SNRNP40: variants seen among roughly 807,000 people sequenced by gnomAD.
SNRNP40 encodes U5 small nuclear ribonucleoprotein 40 kDa protein.
In SNRNP40, 21 loss-of-function variants were observed where a neutral mutation model predicts 45.8. The observed-to-expected ratio is 0.46, with a 90% CI of 0.32 to 0.66. The LOEUF (loss-of-function observed/expected upper bound fraction) is 0.66. Among genes scored for constraint, SNRNP40 ranks in the 30% least tolerant of loss-of-function variants. The pLI is 0.03. For synonymous variants in SNRNP40, 142 were observed against 163.8 expected (o/e 0.87, Z 1.01); for missense variants, 344 against 439.1 (o/e 0.78, Z 1.94).
intron 5 of SNRNP40, among the ~76,000 whole-genome samples, chr1:31,276,542 G>C (rs1645976037): frequency 6.6e-6 from 1 of 152,086 alleles, no homozygotes; most frequent in Non-Finnish European, 1.5e-5. Flanking sequence ...ATGCATCAAA[G>C]GTGGGGGTGG....
chr1:31,278,540 T>C (rs1197463099), intron 5 of SNRNP40, among the ~76,000 whole-genome samples: 1 of 152,240 alleles, frequency 6.6e-6, no homozygotes, highest in African/African-American at 2.4e-5. Context: ...AGAAGTCTTC[T>C]AGTGATTCTG....
intron 1 of SNRNP40, among the ~76,000 whole-genome samples, 168 bp from the exon 2 acceptor site, chr1:31,293,516 C>G (rs1557681308): frequency 6.6e-6 from 1 of 152,214 alleles, no homozygotes. Context: ...ACTTGACACT[C>G]TCTGAAACTT....
intron 4 of SNRNP40, 86 bp from the exon 5 acceptor site, chr1:31,281,582 T>C (rs968233239): frequency 3.3e-5 from 41 of 1,240,312 alleles, no homozygotes; most frequent in Non-Finnish European, 4.4e-5. Flanking sequence ...TACGAGGACT[T>C]TGTGGACATG....
In SNRNP40 at chr1:31,260,025, C is replaced by T. The variant is rs1302315002; in HGVS notation, c.*47G>A. ...CAACATTTGGCATCACTTATGCAGT[C>T]TGAGGTCTCAAAGACAAGCGGCCTT... is the stretch of plus-strand genomic sequence containing the variant. On this transcript the variant is annotated 3_prime_UTR_variant, in exon 10 of 10. Transcript: ENST00000263694. The T allele has an allele frequency of 1.4e-6, 2 of 1,379,328 alleles. No homozygotes were observed. Among genetic ancestry groups the T allele is most frequent in the Non-Finnish European group, 1.0e-6 (1 of 966,162 alleles). 85.4% of individuals were successfully genotyped at this position (1,379,328 alleles called of 1,614,324 possible).
intron 5 of SNRNP40, among the ~76,000 whole-genome samples, chr1:31,272,363 CG>C (rs1320020039): frequency 6.6e-6 from 1 of 151,938 alleles, no homozygotes; most frequent in Non-Finnish European, 1.5e-5. Flanking sequence ...GTATAGGAAA[CG>C]TAAGATACAG....
intron 4 of SNRNP40, among the ~76,000 whole-genome samples, chr1:31,284,166 T>G (rs1201931239): frequency 6.6e-6 from 1 of 152,172 alleles, no homozygotes; most frequent in Non-Finnish European, 1.5e-5. Flanking sequence ...GAGGCTGCAG[T>G]GAGCCGTGAT....
intron 5 of SNRNP40, among the ~76,000 whole-genome samples, chr1:31,278,119 T>C (rs189514917): frequency 6.6e-6 from 1 of 152,360 alleles, no homozygotes; most frequent in East Asian, 1.9e-4. Context: ...ATTGATCTCT[T>C]CTTTGCCCTA....
At chr1:31,281,175 C>G (rs1043270732) in intron 5 of SNRNP40, among the ~76,000 whole-genome samples, 199 bp downstream of exon 5, 1 of 152,178 alleles carries the variant, frequency 6.6e-6, no homozygotes, top group African/African-American at 2.4e-5. Flanking sequence ...TGGTCCCTGA[C>G]AGCATTTATA....
intron 5 of SNRNP40, among the ~76,000 whole-genome samples, chr1:31,278,346 C>T (rs1311266878): frequency 1.3e-5 from 2 of 152,168 alleles, no homozygotes; most frequent in African/African-American, 4.8e-5. Context: ...AGTCTATCCT[C>T]ACAGTGGAGA....
chr1:31,261,712 G>A, intron 8 of SNRNP40, 80 bp from the exon 9 acceptor site: 1 of 813,496 alleles, frequency 1.2e-6, no homozygotes. Flanking sequence ...TAAAGGAAAT[G>A]GAAGCAACAA....
chr1:31,267,999 C>G (rs1645911416), intron 7 of SNRNP40, 67 bp from the exon 8 acceptor site: 2 of 1,085,844 alleles, frequency 1.8e-6, no homozygotes, highest in Middle Eastern at 2.0e-4. Context: ...TACCGAATCA[C>G]TAAGAGGCTT....
At chr1:31,266,718 G>A (rs951210369) in intron 8 of SNRNP40, among the ~76,000 whole-genome samples, 1 of 152,144 alleles carries the variant, frequency 6.6e-6, no homozygotes, top group Non-Finnish European at 1.5e-5. Flanking sequence ...CACTAACCCA[G>A]ACACAGCTCT....
chr1:31,289,357 C>T lies in SNRNP40; in HGVS notation c.428G>A (p.Arg143Lys). 1.2e-6 allele frequency: 2 copies of T among 1,614,138 alleles called. No homozygotes were observed. Among genetic ancestry groups the T allele is most frequent in the Non-Finnish European group, 8.5e-7 (1 of 1,179,962 alleles). The change falls in exon 4 of 10, where the codon AGG becomes AAG. Residue 143 changes from arginine (R) to lysine (K), a missense_variant. Coordinates refer to ENST00000263694, the MANE Select transcript of SNRNP40 (RefSeq NM_004814.3). The stretch of plus-strand genomic sequence containing the variant: ...AGTATGTCCCTTTAGCCTTTTAACC[C>T]TCTCACCTGTTTCACTATCCCACAC... The part of the protein sequence containing the change: ...VAVWDSETGE[R>K]VKRLKGHTSF...
At chr1:31,266,473 T>C (rs1385403044) in intron 8 of SNRNP40, among the ~76,000 whole-genome samples, 1 of 152,192 alleles carries the variant, frequency 6.6e-6, no homozygotes, top group Non-Finnish European at 1.5e-5. Context: ...ACTCGACACC[T>C]GGACATCCCT....
intron 4 of SNRNP40, chr1:31,282,420 G>C (rs1029271624): frequency 6.6e-6 from 1 of 152,022 alleles, no homozygotes; most frequent in Non-Finnish European, 1.5e-5. Flanking sequence ...TGGGGAAGGA[G>C]ACAATTTGGG....
chr1:31,263,249 A>G (rs1335851707), intron 8 of SNRNP40: 1 of 152,150 alleles, frequency 6.6e-6, no homozygotes, highest in African/African-American at 2.4e-5. Context: ...TATTCATTCT[A>G]TAGTATTAGA....
At chr1:31,261,385 CCAA>C (rs999720606) in intron 9 of SNRNP40, 141 bp downstream of exon 9, 77 of 623,058 alleles carry the variant, frequency 1.2e-4, no homozygotes, top group Admixed American at 2.1e-4. Context: ...AACAAAAAAA[CCAA>C]CAACAACAAC....
At chr1:31,266,803 C>T (rs2148380924) in intron 8 of SNRNP40, among the ~76,000 whole-genome samples, 1 of 152,310 alleles carries the variant, frequency 6.6e-6, no homozygotes, top group South Asian at 2.1e-4. Context: ...TGCCATTCTT[C>T]AGCTAGGAAT....
At chr1:31,273,366 C>T (rs993665083) in intron 5 of SNRNP40, among the ~76,000 whole-genome samples, 2 of 152,028 alleles carry the variant, frequency 1.3e-5, no homozygotes, top group East Asian at 3.9e-4. Context: ...AAATCTACAG[C>T]AGGGGTGGCT....
Sources: allele counts gnomAD v4.1 joint callset (sites outside exome capture counted in the v4.1 genomes callset), GRCh38; gene constraint gnomAD v4.1.1; transcripts MANE v1.5; gene names NCBI Gene and HGNC (gene_info 2026-07-23, HGNC 2026-07-21).